The following D2HGDH variants were observed in gnomAD, a reference collection of about 807,000 sequenced individuals.
D2HGDH encodes D-2-hydroxyglutarate dehydrogenase, mitochondrial.
A neutral mutation model predicts 46.9 loss-of-function variants in D2HGDH; 31 were observed. The ratio of observed to expected loss-of-function variants is 0.66; its 90% CI spans 0.50 to 0.89. The LOEUF (loss-of-function observed/expected upper bound fraction) is 0.89. Ranked by LOEUF, D2HGDH falls within the 40% of genes least tolerant of loss-of-function variation. D2HGDH has a pLI of 0.00. For synonymous variants in D2HGDH, 364 were observed against 332.6 expected, an observed-to-expected ratio of 1.09 and a Z score of -1.03; for missense variants, 698 against 720.8, an observed-to-expected ratio of 0.97 and a Z score of 0.36.
chr2:241,746,757 G>A (rs561431362), intron 6 of D2HGDH, among the ~76,000 whole-genome samples: 8 of 151,966 alleles, frequency 5.3e-5, no homozygotes, highest in African/African-American at 9.7e-5. Context: ...GCATGGTGGT[G>A]GACGCCTGTA....
Position 241,768,136 on chromosome 2 carries a change from G to A in D2HGDH, c.*167G>A. On this transcript the variant is annotated 3_prime_UTR_variant, in exon 10 of 10. Coordinates refer to ENST00000321264, the MANE Select transcript of D2HGDH (RefSeq NM_152783.5). Reference sequence around the variant, plus strand: ...GGAACTGCCGGACGCAGGCCCTCGGGCAGGAGCATCTGGCAGAGTGGGGGG... The same window carrying A: ...GGAACTGCCGGACGCAGGCCCTCGGACAGGAGCATCTGGCAGAGTGGGGGG... The A allele has an allele frequency of 1.8e-6, 2 of 1,096,444 alleles. No individual in the cohort carries two copies. The highest frequency in any genetic ancestry group is 2.5e-6 in the Non-Finnish European group (2 of 790,972). The allele number at this position is 1,096,444 out of a possible 1,614,324, so 67.9% of individuals were successfully genotyped here.
At chr2:241,756,613 C>T (rs1010278849) in intron 9 of D2HGDH, among the ~76,000 whole-genome samples, 2 of 152,246 alleles carry the variant, frequency 1.3e-5, no homozygotes, top group African/African-American at 2.4e-5. Flanking sequence ...CCTCCATCTT[C>T]TGGGTTCAAG....
In D2HGDH at chr2:241,767,978, C is replaced by T. The variant is rs1261401554; in HGVS notation, c.*9C>T. On this transcript the variant is annotated 3_prime_UTR_variant, in exon 10 of 10. Transcript: ENST00000321264. The stretch of plus-strand genomic sequence containing the variant: ...TGCCCAGCCAGGCCTGACGGCCACT[C>T]CTGCTGCTGCCAAGGCCCACTGGGG... 1.3e-6 allele frequency: 2 copies of T among 1,580,890 alleles called. No homozygotes were observed. Among genetic ancestry groups the T allele is most frequent in the Admixed American group, 3.5e-5 (2 of 56,980 alleles).
intron 8 of D2HGDH, among the ~76,000 whole-genome samples, chr2:241,751,727 G>T (rs1411345364): frequency 6.6e-6 from 1 of 152,220 alleles, no homozygotes; most frequent in African/African-American, 2.4e-5. Flanking sequence ...TCGTGTGGAA[G>T]GAGTGGAGGC....
At chr2:241,755,617 C>T (rs1194036910) in intron 8 of D2HGDH, 1 of 1,520,754 alleles carries the variant, frequency 6.6e-7, no homozygotes, top group Admixed American at 2.0e-5. Context: ...AGGGTTGGAG[C>T]CACACCTGGT....
At chr2:241,740,449 A>G (rs149511781) in intron 2 of D2HGDH, among the ~76,000 whole-genome samples, 2,597 of 152,306 alleles carry the variant, frequency 0.017, 43 homozygotes, top group East Asian at 0.043. Flanking sequence ...TGGGACTCTC[A>G]TCCATGGGCC....
chr2:241,750,384 G>A (rs533922628), intron 7 of D2HGDH, 90 bp downstream of exon 7: 8 of 1,499,234 alleles, frequency 5.3e-6, no homozygotes, highest in South Asian at 2.3e-5. Flanking sequence ...CCGGGTGGGC[G>A]GGGGGTGCCC....
chr2:241,738,172 G>A (rs1442343447), intron 2 of D2HGDH, among the ~76,000 whole-genome samples: 2 of 152,180 alleles, frequency 1.3e-5, no homozygotes, highest in Admixed American at 6.5e-5. Context: ...CCCTGCTCCC[G>A]AAGTAAGGAC....
intron 9 of D2HGDH, among the ~76,000 whole-genome samples, chr2:241,760,708 T>C (rs1169049289): frequency 6.6e-6 from 1 of 152,248 alleles, no homozygotes; most frequent in Non-Finnish European, 1.5e-5. Flanking sequence ...CCTTACCCAA[T>C]CAGTCGAAGG....
intron 9 of D2HGDH, 46 bp from the exon 10 acceptor site, chr2:241,767,663 TG>T (rs1699260384): frequency 6.3e-7 from 1 of 1,584,508 alleles, no homozygotes; most frequent in Non-Finnish European, 8.6e-7. Flanking sequence ...AGTGGGGTCC[TG>T]GGGGCTGCCC....
intron 5 of D2HGDH, among the ~76,000 whole-genome samples, chr2:241,744,358 C>G (rs781407447): frequency 1.1e-4 from 17 of 152,216 alleles, no homozygotes; most frequent in Non-Finnish European, 1.9e-4. Context: ...CTTTTTTGCA[C>G]TCATGAGCTG....
intron 8 of D2HGDH, among the ~76,000 whole-genome samples, chr2:241,752,636 C>T (rs1559384138): frequency 6.6e-6 from 1 of 152,002 alleles, no homozygotes; most frequent in Non-Finnish European, 1.5e-5. Context: ...AGGACAGCCG[C>T]CGGGGATTCT....
At position 241,757,933 on chromosome 2, in the gene D2HGDH, TG is replaced by T. The variant is rs1698341254; in HGVS notation, c.1306+1922del. Among the ~76,000 whole-genome samples, 2 of 146,658 alleles carry T rather than the reference TG, an allele frequency of 1.4e-5. 1 individual carries two copies. The highest frequency in any genetic ancestry group is 4.0e-4 in the East Asian group (2 of 5,022). ...GAGGTTGCACCATTGCACTCCAGCCTGGGTGACAAGAGTGAAACTCCATCTC... is the reference window on the plus strand; with the variant it reads ...GAGGTTGCACCATTGCACTCCAGCCTGGTGACAAGAGTGAAACTCCATCTC... On this transcript the variant is annotated intron_variant, in intron 9 of 9. Transcript: ENST00000321264.
At chr2:241,752,417 A>G (rs1056550071) in intron 8 of D2HGDH, among the ~76,000 whole-genome samples, 3 of 151,922 alleles carry the variant, frequency 2.0e-5, no homozygotes, top group Admixed American at 6.6e-5. Flanking sequence ...GCATTTTTCT[A>G]AGTGGACTGT....
Position 241,768,155 on chromosome 2 carries a change from T to G in D2HGDH, c.*186T>G, listed in dbSNP as rs1011261148. Reference sequence around the variant, plus strand: ...CCTCGGGCAGGAGCATCTGGCAGAGTGGGGGGCGTGGCAGGCACCCTCCTT... The same window carrying G: ...CCTCGGGCAGGAGCATCTGGCAGAGGGGGGGGCGTGGCAGGCACCCTCCTT... On this transcript the variant is annotated 3_prime_UTR_variant, in exon 10 of 10. Transcript: ENST00000321264. 6.6e-6 allele frequency: 6 copies of G among 909,512 alleles called. No individual in the cohort carries two copies. The highest frequency in any genetic ancestry group is 2.7e-5 in the East Asian group (1 of 36,932). 56.3% of individuals were successfully genotyped at this position (909,512 alleles called of 1,614,324 possible).
At chr2:241,752,947 C>T (rs891962004) in intron 8 of D2HGDH, among the ~76,000 whole-genome samples, 1 of 150,272 alleles carries the variant, frequency 6.7e-6, no homozygotes, top group Non-Finnish European at 1.5e-5. Flanking sequence ...ACCCCCAGGG[C>T]GGACTGTCCC....
chr2:241,734,778 T>G, intron 1 of D2HGDH, 83 bp downstream of exon 1: 1 of 157,596 alleles, frequency 6.3e-6, no homozygotes, highest in Non-Finnish European at 1.4e-5. Flanking sequence ...CGGGGCGCGA[T>G]CTCGGGCGCC....
chr2:241,753,136 C>T (rs1325457503), intron 8 of D2HGDH, among the ~76,000 whole-genome samples: 5 of 152,198 alleles, frequency 3.3e-5, no homozygotes, highest in Non-Finnish European at 5.9e-5. Flanking sequence ...GTTCAGGAGA[C>T]GCCTTGTGTG....
In D2HGDH at chr2:241,755,446, A is replaced by G. The variant is rs1462109551; in HGVS notation, c.1141-403A>G. 3 of 1,310,504 alleles carry G rather than the reference A, an allele frequency of 2.3e-6. No homozygotes were observed. In the African/African-American group the frequency reaches 4.6e-5, roughly 20 times the overall value. The allele number at this position is 1,310,504 out of a possible 1,614,324, so 81.2% of individuals were successfully genotyped here. A position where few individuals can be genotyped will look rare whatever the true frequency, so the allele number is the denominator to read the frequency against. Reference sequence around the variant, plus strand: ...CTCAGGGCCTTCCCTGGCCCTTGCCACTCTGTGCCGTGTCATGACCTGAAG... The same window carrying G: ...CTCAGGGCCTTCCCTGGCCCTTGCCGCTCTGTGCCGTGTCATGACCTGAAG... On this transcript the variant is annotated intron_variant, in intron 8 of 9. Transcript: ENST00000321264.
Sources: allele counts gnomAD v4.1 joint callset (sites outside exome capture counted in the v4.1 genomes callset), GRCh38; gene constraint gnomAD v4.1.1; transcripts MANE v1.5; gene names NCBI Gene and HGNC (gene_info 2026-07-23, HGNC 2026-07-21).